RBFOX1: variants seen among roughly 807,000 people sequenced by gnomAD.
RBFOX1 encodes RNA binding protein fox-1 homolog 1.
Under a neutral mutation model 57.7 loss-of-function variants are expected in RBFOX1, and 8 were observed. The observed-to-expected ratio is 0.14, with a 90% CI of 0.08 to 0.25. RBFOX1 has a LOEUF of 0.25. Ranked by LOEUF, RBFOX1 falls within the 10% of genes least tolerant of loss-of-function variation. The pLI, the probability that RBFOX1 is intolerant of heterozygous loss-of-function variation, is 1.00. For synonymous variants in RBFOX1, 326 were observed against 222.4 expected (o/e 1.47, Z -4.15); for missense variants, 611 against 548.5 (o/e 1.11, Z -1.14).
At chr16:6,588,338 C>G (rs1011091146) in intron 2 of RBFOX1, among the ~76,000 whole-genome samples, 5 of 151,616 alleles carry the variant, frequency 3.3e-5, no homozygotes, top group African/African-American at 1.2e-4. Flanking sequence ...GTCCTTATTT[C>G]TTTCACAGCT....
intron 1 of RBFOX1, among the ~76,000 whole-genome samples, chr16:6,152,402 TG>T (rs1033815905): frequency 4.6e-5 from 7 of 152,252 alleles, no homozygotes; most frequent in African/African-American, 1.7e-4. Context: ...TTTAAGTGGT[TG>T]TTGAAACTCC....
intron 3 of RBFOX1, among the ~76,000 whole-genome samples, chr16:5,791,652 C>G (rs1415281122): frequency 6.6e-6 from 1 of 152,130 alleles, no homozygotes; most frequent in Non-Finnish European, 1.5e-5. Flanking sequence ...AGTATTAGAG[C>G]TGAATGCAAA....
chr16:6,769,222 C>T (rs570108442), intron 3 of RBFOX1, among the ~76,000 whole-genome samples: 52 of 152,100 alleles, frequency 3.4e-4, no homozygotes, highest in Non-Finnish European at 6.2e-4. Flanking sequence ...AGGGGAATTT[C>T]CCTGCACAAG....
intron 1 of RBFOX1, 22 bp downstream of exon 1, chr16:6,020,014 G>T: frequency 6.7e-7 from 1 of 1,491,298 alleles, no homozygotes; most frequent in Admixed American, 2.0e-5. Flanking sequence ...CGGAGTCATT[G>T]CCTCTGCACC....
intron 5 of RBFOX1, among the ~76,000 whole-genome samples, chr16:7,573,678 A>G (rs1019291864): frequency 3.9e-5 from 6 of 152,270 alleles, no homozygotes; most frequent in African/African-American, 1.4e-4. Flanking sequence ...TAGTAAAAAT[A>G]CAAAAATGAG....
intron 3 of RBFOX1, among the ~76,000 whole-genome samples, chr16:5,665,247 G>C (rs2049801981): frequency 6.6e-6 from 1 of 151,850 alleles, no homozygotes; most frequent in Admixed American, 6.6e-5. Flanking sequence ...CACTGCTTCT[G>C]GCCAACCTCT....
chr16:7,507,959 A>C (rs1159671657), intron 4 of RBFOX1, among the ~76,000 whole-genome samples: 1 of 148,578 alleles, frequency 6.7e-6, no homozygotes, highest in Non-Finnish European at 1.5e-5. Context: ...TCCAGCTGAA[A>C]CTCTTTAACT....
intron 3 of RBFOX1, among the ~76,000 whole-genome samples, chr16:5,648,838 C>A (rs1259082588): frequency 6.6e-6 from 1 of 151,994 alleles, no homozygotes; most frequent in African/African-American, 2.4e-5. Flanking sequence ...CCAAAGCAGG[C>A]GGATCACTTG....
At chr16:6,585,190 T>G (rs4786889) in intron 2 of RBFOX1, among the ~76,000 whole-genome samples, 128,662 of 152,030 alleles carry the variant, frequency 0.85, 57,307 homozygotes, top group East Asian at 1. Context: ...ATGTCCTCCA[T>G]GGTATTTTTC....
intron 2 of RBFOX1, among the ~76,000 whole-genome samples, chr16:6,603,375 A>C (rs1396574415): frequency 6.6e-6 from 1 of 152,192 alleles, no homozygotes; most frequent in Non-Finnish European, 1.5e-5. Context: ...ATTTAAGGGA[A>C]TCTGTTTCTT....
chr16:6,876,273 T>G (rs1213957012), intron 3 of RBFOX1, among the ~76,000 whole-genome samples: 2 of 152,158 alleles, frequency 1.3e-5, no homozygotes, highest in African/African-American at 2.4e-5. Context: ...TCTTGGGAAT[T>G]GTCCTAGAAT....
intron 2 of RBFOX1, among the ~76,000 whole-genome samples, chr16:5,594,469 T>A (rs904589914): frequency 6.6e-6 from 1 of 152,112 alleles, no homozygotes; most frequent in African/African-American, 2.4e-5. Flanking sequence ...ATAGTTTGAT[T>A]TTATACATTT....
chr16:7,558,865 C>T (rs537016791), intron 5 of RBFOX1, among the ~76,000 whole-genome samples: 1 of 152,346 alleles, frequency 6.6e-6, no homozygotes, highest in East Asian at 1.9e-4. Context: ...ATGTGGTAAG[C>T]ATCTGAAAAA....
intron 2 of RBFOX1, among the ~76,000 whole-genome samples, chr16:6,518,745 G>A (rs1598735240): frequency 6.8e-6 from 1 of 146,290 alleles, no homozygotes; most frequent in Non-Finnish European, 1.5e-5. Flanking sequence ...ATCTATCTCT[G>A]TCTGTCTGTC....
At position 5,447,073 on chromosome 16, in the gene RBFOX1, C is replaced by T. The variant is rs141738014; in HGVS notation, c.220-20143C>T. Among the ~76,000 whole-genome samples, 34 of 152,282 alleles carry T rather than the reference C, an allele frequency of 2.2e-4. No individual in the cohort carries two copies. The East Asian group carries it at 5.6e-3, about 25-fold the overall frequency. ...CTCTAAGCAAACAAACCATCACGAT[C>T]AACAAAAGAGGTAATGCTGTGACTA... On this transcript the variant is annotated intron_variant, in intron 1 of 2. Coordinates refer to the RBFOX1 transcript ENST00000585867.
At chr16:6,906,516 GCAAT>G (rs2069997108) in intron 3 of RBFOX1, among the ~76,000 whole-genome samples, 1 of 151,948 alleles carries the variant, frequency 6.6e-6, no homozygotes, top group Non-Finnish European at 1.5e-5. Flanking sequence ...TTATATAACC[GCAAT>G]CTAATCTCTA....
chr16:7,369,158 A>T (rs1231248227), intron 4 of RBFOX1, among the ~76,000 whole-genome samples: 1 of 152,080 alleles, frequency 6.6e-6, no homozygotes, highest in Non-Finnish European at 1.5e-5. Context: ...TGGGACCCAC[A>T]GTCTGCTTAA....
intron 11 of RBFOX1, among the ~76,000 whole-genome samples, chr16:7,647,004 A>C (rs1361799714): frequency 6.6e-6 from 1 of 152,168 alleles, no homozygotes; most frequent in Non-Finnish European, 1.5e-5. Flanking sequence ...TAAATGGCCC[A>C]TTTGGCTGGT....
chr16:5,870,785 A>T (rs1597579226), intron 4 of RBFOX1, among the ~76,000 whole-genome samples: 1 of 152,206 alleles, frequency 6.6e-6, no homozygotes, highest in South Asian at 2.1e-4. Context: ...ATCCATATTC[A>T]TGGCATGTTC....
Sources: gnomAD v4.1 joint callset for allele counts (sites outside exome capture counted in the v4.1 genomes callset) on GRCh38, gnomAD v4.1.1 for gene constraint, MANE v1.5 for transcripts, NCBI Gene and HGNC (gene_info 2026-07-23, HGNC 2026-07-21) for gene names.